Variants in CPEB2 observed in about 807,000 individuals in gnomAD.
The protein encoded by CPEB2 is cytoplasmic polyadenylation element-binding protein 2.
Under a neutral mutation model 93.6 loss-of-function variants are expected in CPEB2, and 56 were observed. The observed-to-expected ratio is 0.60, with a 90% confidence interval of 0.48 to 0.75. CPEB2 has a LOEUF of 0.75. Ranked by LOEUF, CPEB2 falls within the 30% of genes least tolerant of loss-of-function variation. The pLI, the probability that CPEB2 is intolerant of heterozygous loss-of-function variation, is 0.00. For synonymous variants in CPEB2, 764 were observed against 586.3 expected (o/e 1.30, Z -4.38); for missense variants, 1,579 against 1,395.1 (o/e 1.13, Z -2.10).
At position 15,002,591 on chromosome 4, in the gene CPEB2, G is replaced by C; in HGVS notation, c.-83G>C. On this transcript the variant is annotated 5_prime_UTR_variant, in exon 1 of 12. Transcript: ENST00000538197. ...CACTGACTCCCCCTCCTTCCACCAC[G>C]GCCGCGCAACCCCAGCGCCGGCGGC... 8.4e-7 allele frequency: 1 copy of C among 1,193,058 alleles called. No homozygotes were observed. Among genetic ancestry groups the C allele is most frequent in the Non-Finnish European group, 1.1e-6 (1 of 885,554 alleles). The allele number at this position is 1,193,058 out of a possible 1,614,324, so 73.9% of individuals were successfully genotyped here. A position where few individuals can be genotyped will look rare whatever the true frequency, so the allele number is the denominator to read the frequency against.
rs1318028196 is a variant in CPEB2, at chr4:15,003,221, GCCCTCCCCACCTT to G, written c.552_564del (p.Pro185ThrfsTer119). 2.6e-6 allele frequency: 4 copies of G among 1,531,204 alleles called. No homozygotes were observed. Among genetic ancestry groups the G allele is most frequent in the Admixed American group, 3.9e-5 (2 of 50,658 alleles). The allele number at this position is 1,531,204 out of a possible 1,614,324, so 94.9% of individuals were successfully genotyped here. A position where few individuals can be genotyped will look rare whatever the true frequency, so the allele number is the denominator to read the frequency against. ...AGCAGCCAGAAGAGGAAAGAGTTCA[GCCCTCCCCACCTT>G]CCCCACCCTCCGGACTCGAAGCCGC... is the stretch of plus-strand genomic sequence containing the variant. On this transcript the variant is annotated frameshift_variant, in exon 1 of 12. Transcript: ENST00000538197. LOFTEE classifies it high-confidence loss of function.
intron 3 of CPEB2, among the ~76,000 whole-genome samples, chr4:15,015,601 T>C (rs1156760681): frequency 6.6e-6 from 1 of 151,984 alleles, no homozygotes; most frequent in African/African-American, 2.4e-5. Flanking sequence ...GCTTTTTAGG[T>C]TTTTCTTCAG....
Position 15,070,113 on chromosome 4 carries a change from A to G in CPEB2, c.*3733A>G, listed in dbSNP as rs980707280. ...ATTAAGTAATTTTTAAATATTTGTA[A>G]TATTGTTGACTGACTAATAAACTAT... On this transcript the variant is annotated 3_prime_UTR_variant, in exon 12 of 12. Transcript: ENST00000538197. 1.3e-5 allele frequency: 2 copies of G among 152,252 alleles called. No homozygotes were observed. Among genetic ancestry groups the G allele is most frequent in the African/African-American group, 4.8e-5 (2 of 41,402 alleles). 9.4% of individuals were successfully genotyped at this position (152,252 alleles called of 1,614,324 possible). A position where few individuals can be genotyped will look rare whatever the true frequency, so the allele number is the denominator to read the frequency against.
rs780162983 is a variant in CPEB2 at position 15,004,082 on chromosome 4, C to T, written c.1409C>T (p.Pro470Leu). The part of the protein sequence containing the change: ...AFFPSFSPVS[P>L]HGCTGLSVPT... ...TTCCCTAGCTTCTCGCCCGTGTCGC[C>T]GCACGGCTGCACTGGGCTCAGCGTT... The change falls in exon 1 of 12, where the codon CCG becomes CTG. Residue 470 changes from proline to leucine, a missense_variant. Coordinates refer to ENST00000538197, the MANE Select transcript of CPEB2 (RefSeq NM_001177382.2). 5.1e-6 allele frequency: 8 copies of T among 1,565,088 alleles called. No homozygotes were observed. Among genetic ancestry groups the T allele is most frequent in the Non-Finnish European group, 6.9e-6 (8 of 1,158,794 alleles).
chr4:15,011,942 T>C (rs888040576), intron 3 of CPEB2, among the ~76,000 whole-genome samples: 1 of 131,942 alleles, frequency 7.6e-6, no homozygotes, highest in Non-Finnish European at 1.6e-5. Context: ...CTTGAATTAA[T>C]TGAAGATACT....
At chr4:15,020,132 C>T (rs754137803) in intron 4 of CPEB2, among the ~76,000 whole-genome samples, 9 of 151,980 alleles carry the variant, frequency 5.9e-5, no homozygotes, top group Non-Finnish European at 1.3e-4. Flanking sequence ...TGCTTATATC[C>T]CCCAAAGTGA....
chr4:15,059,940 G>C (rs1729040654), intron 10 of CPEB2, among the ~76,000 whole-genome samples: 1 of 152,122 alleles, frequency 6.6e-6, no homozygotes, highest in Non-Finnish European at 1.5e-5. Flanking sequence ...AATACTTATA[G>C]AATATGATGA....
chr4:15,009,505 C>T (rs1723217526), intron 3 of CPEB2, among the ~76,000 whole-genome samples: 1 of 152,118 alleles, frequency 6.6e-6, no homozygotes, highest in South Asian at 2.1e-4. Context: ...CTTCTCTAGT[C>T]TGGTCCAGTT....
chr4:15,054,325 T>G (rs912088919), intron 8 of CPEB2, 108 bp downstream of exon 8: 1 of 778,456 alleles, frequency 1.3e-6, no homozygotes. Flanking sequence ...TTGCTATGAT[T>G]TGATAATTTC....
chr4:15,006,141 G>T (rs977780668), intron 1 of CPEB2, among the ~76,000 whole-genome samples: 2 of 152,156 alleles, frequency 1.3e-5, no homozygotes, highest in Non-Finnish European at 2.9e-5. Flanking sequence ...GAATGAAGTG[G>T]TTTGTCCATG....
intron 3 of CPEB2, among the ~76,000 whole-genome samples, chr4:15,013,030 T>G (rs1198880930): frequency 6.6e-6 from 1 of 152,048 alleles, no homozygotes; most frequent in Non-Finnish European, 1.5e-5. Flanking sequence ...ACTGACCTCC[T>G]TAGTTATTTT....
At chr4:15,064,612 C>T (rs1186186005) in intron 11 of CPEB2, among the ~76,000 whole-genome samples, 1 of 151,860 alleles carries the variant, frequency 6.6e-6, no homozygotes, top group Non-Finnish European at 1.5e-5. Context: ...GAAAGAAACC[C>T]AGAAAACATA....
In CPEB2 at chr4:15,062,076, A is replaced by C. The variant is rs367918889; in HGVS notation, c.2696-3A>C. On this transcript the variant is annotated splice_polypyrimidine_tract_variant and splice_region_variant and intron_variant, in intron 10 of 11. Transcript: ENST00000538197. ...TTGATGTAAACTTCTTTTCCTTTTC[A>C]AGTGGAACTTGCTATGATCATGGAC... 8.7e-5 allele frequency: 138 copies of C among 1,587,746 alleles called. No individual in the cohort carries two copies. The African/African-American group carries it at 1.7e-3, about 20-fold the overall frequency.
intron 8 of CPEB2, among the ~76,000 whole-genome samples, chr4:15,058,015 G>A (rs892831547): frequency 2.0e-5 from 3 of 152,172 alleles, no homozygotes; most frequent in African/African-American, 4.8e-5. Flanking sequence ...CTTTAAGAAG[G>A]TAGTATCACT....
At chr4:15,034,918 C>T (rs548650560) in intron 5 of CPEB2, among the ~76,000 whole-genome samples, 5 of 152,204 alleles carry the variant, frequency 3.3e-5, no homozygotes, top group South Asian at 2.1e-4. Flanking sequence ...TTTTTAACTA[C>T]GTGCAATTCA....
intron 4 of CPEB2, among the ~76,000 whole-genome samples, chr4:15,030,813 T>G (rs1178151698): frequency 6.6e-6 from 1 of 152,106 alleles, no homozygotes; most frequent in South Asian, 2.1e-4. Context: ...TTTTAAACTT[T>G]CCACAAAAAG....
intron 6 of CPEB2, among the ~76,000 whole-genome samples, chr4:15,048,679 C>G (rs969682238): frequency 7.3e-5 from 11 of 151,702 alleles, no homozygotes; most frequent in African/African-American, 2.2e-4. Flanking sequence ...GTCTTGTTTT[C>G]TAATATGCTT....
In CPEB2 at chr4:15,003,562, C is replaced by G. The variant is rs1221014164; in HGVS notation, c.889C>G (p.Pro297Ala). 24 of 1,467,340 alleles carry G rather than the reference C, an allele frequency of 1.6e-5. No homozygotes were observed. Among genetic ancestry groups the G allele is most frequent in the Non-Finnish European group, 2.2e-5 (24 of 1,113,350 alleles). 90.9% of individuals were successfully genotyped at this position (1,467,340 alleles called of 1,614,324 possible). A position where few individuals can be genotyped will look rare whatever the true frequency, so the allele number is the denominator to read the frequency against. The stretch of plus-strand genomic sequence containing the variant: ...GGGCGAGGGCAGCGCCGCCGAGTCC[C>G]CCAATGCGGGCTTGGCCTCCTCGAC... ...AAGEGSAAESPNAGLASSTPV... is the reference protein window; with the variant it reads ...AAGEGSAAESANAGLASSTPV... Residue 297 changes from proline to alanine, a missense_variant, in exon 1 of 12, where the codon CCC (proline) becomes GCC (alanine). Pro to Ala is a conservative substitution (Grantham distance 27). Coordinates refer to ENST00000538197, the MANE Select transcript of CPEB2 (RefSeq NM_001177382.2).
chr4:15,024,785 G>A (rs950925800), intron 4 of CPEB2, among the ~76,000 whole-genome samples: 2 of 125,460 alleles, frequency 1.6e-5, no homozygotes, highest in South Asian at 2.4e-4. Context: ...TTGCACTGTT[G>A]TCCAGGCTGG....
Sources: gnomAD v4.1 joint callset for allele counts (sites outside exome capture counted in the v4.1 genomes callset) on GRCh38, gnomAD v4.1.1 for gene constraint, MANE v1.5 for transcripts, NCBI Gene and HGNC (gene_info 2026-07-23, HGNC 2026-07-21) for gene names.